Variants in ZNF292 observed in about 807,000 individuals in gnomAD.
ZNF292 encodes the protein 16 zinc-finger domain protein.
A neutral mutation model predicts 217.9 loss-of-function variants in ZNF292; 26 were observed. The observed-to-expected ratio is 0.12, with a 90% CI of 0.09 to 0.17. The LOEUF (loss-of-function observed/expected upper bound fraction) is 0.17, where lower values mean the gene tolerates loss of function less well. ZNF292 is among the 10% of genes least tolerant of loss of function. The pLI, the probability that ZNF292 is intolerant of heterozygous loss-of-function variation, is 1.00. For synonymous variants in ZNF292, 1,257 were observed against 1,124.1 expected (o/e 1.12, Z -2.37); for missense variants, 2,904 against 3,175.2 (o/e 0.91, Z 2.05).
intron 5 of ZNF292, chr6:87,233,789 T>A: frequency 2.4e-6 from 1 of 411,312 alleles, no homozygotes; most frequent in Non-Finnish European, 3.3e-6. Flanking sequence ...AGTGGTGGCT[T>A]AACAGTTTAG....
rs1188439668 is a variant in ZNF292 at position 87,212,952 on chromosome 6, G to A, written c.169-2951G>A. Among the ~76,000 whole-genome samples, 10 of 152,166 alleles carry A rather than the reference G, an allele frequency of 6.6e-5. 1 individual carries two copies. Among genetic ancestry groups the A allele is most frequent in the Admixed American group, 6.5e-4 (10 of 15,276 alleles). ...AGAAAGTTAAGAATTCTTCTGTGTA[G>A]GGGTCAAAAGAAAACTTCCCTTCAT... On this transcript the variant is annotated intron_variant, in intron 1 of 7. Coordinates refer to ENST00000369577, the MANE Select transcript of ZNF292 (RefSeq NM_015021.3).
At chr6:87,246,457 C>G (rs959903575) in intron 7 of ZNF292, among the ~76,000 whole-genome samples, 1 of 152,248 alleles carries the variant, frequency 6.6e-6, no homozygotes, top group South Asian at 2.1e-4. Flanking sequence ...GAACAGAAAG[C>G]TTGAACTGAT....
intron 1 of ZNF292, among the ~76,000 whole-genome samples, chr6:87,201,233 CTTTTA>C (rs1582411946): frequency 6.6e-6 from 1 of 152,162 alleles, no homozygotes; most frequent in East Asian, 1.9e-4. Flanking sequence ...AGTTTGTAGC[CTTTTA>C]TTTGATTTTC....
chr6:87,240,443 A>G (rs534254386), intron 5 of ZNF292, among the ~76,000 whole-genome samples: 47 of 152,180 alleles, frequency 3.1e-4, no homozygotes, highest in Admixed American at 1.8e-3. Flanking sequence ...TTTTCTTCAG[A>G]CAGAGTTTTG....
At chr6:87,166,538 A>G (rs1028306297) in intron 1 of ZNF292, among the ~76,000 whole-genome samples, 14 of 152,208 alleles carry the variant, frequency 9.2e-5, no homozygotes, top group Non-Finnish European at 1.6e-4. Flanking sequence ...TTTTTGAATC[A>G]TTCTCAACTC....
intron 5 of ZNF292, among the ~76,000 whole-genome samples, chr6:87,236,408 A>T (rs1224030666): frequency 4.2e-4 from 61 of 145,532 alleles, no homozygotes; most frequent in Middle Eastern, 7.0e-3. Flanking sequence ...TTTTTTTTAA[A>T]AAAGAAAAGA....
chr6:87,251,093 AAC>A (rs1244297090), intron 7 of ZNF292, among the ~76,000 whole-genome samples: 1 of 152,212 alleles, frequency 6.6e-6, no homozygotes, highest in African/African-American at 2.4e-5. Flanking sequence ...CACAGAAAAA[AAC>A]ACATAAAGTA....
intron 1 of ZNF292, among the ~76,000 whole-genome samples, chr6:87,162,936 C>T (rs1167372838): frequency 6.6e-6 from 1 of 152,110 alleles, no homozygotes; most frequent in Non-Finnish European, 1.5e-5. Context: ...GGAAAGTTTG[C>T]TTTCATTAAT....
chr6:87,174,005 T>A (rs1771197380), intron 1 of ZNF292: 1 of 267,922 alleles, frequency 3.7e-6, no homozygotes, highest in Middle Eastern at 8.5e-4. Context: ...ATGTTAAGAT[T>A]AATGTGTCCT....
At chr6:87,159,275 A>G (rs1229545064) in intron 1 of ZNF292, among the ~76,000 whole-genome samples, 1 of 152,066 alleles carries the variant, frequency 6.6e-6, no homozygotes, top group African/African-American at 2.4e-5. Flanking sequence ...CCCTTTGCTT[A>G]TTTAAATGAG....
Position 87,257,602 on chromosome 6 carries a change from A to G in ZNF292, c.3973A>G (p.Asn1325Asp). The G allele has an allele frequency of 6.2e-7, 1 of 1,607,210 alleles. No homozygotes were observed. Among genetic ancestry groups the G allele is most frequent in the Admixed American group, 1.7e-5 (1 of 58,674 alleles). ...GENAVFPSQV[N>D]VANNFSSTNA... ...AAATGCAGTTTTTCCTTCACAAGTGAATGTTGCAAATAACTTCAGTAGCAC... is the reference window on the plus strand; with the variant it reads ...AAATGCAGTTTTTCCTTCACAAGTGGATGTTGCAAATAACTTCAGTAGCAC... The change falls in exon 8 of 8, where the codon AAT (asparagine) becomes GAT (aspartate). Residue 1325 changes from asparagine (N) to aspartate (D), a missense_variant. Transcript: ENST00000369577.
At chr6:87,251,744 A>T (rs1458627568) in intron 7 of ZNF292, among the ~76,000 whole-genome samples, 1 of 152,222 alleles carries the variant, frequency 6.6e-6, no homozygotes, top group East Asian at 1.9e-4. Context: ...TTGCCTGTTC[A>T]CTTATTTTCA....
At chr6:87,209,266 T>C (rs570677130) in intron 1 of ZNF292, among the ~76,000 whole-genome samples, 1 of 152,336 alleles carries the variant, frequency 6.6e-6, no homozygotes, top group Non-Finnish European at 1.5e-5. Context: ...GTCTTACATA[T>C]GCTTTCCAGC....
intron 1 of ZNF292, among the ~76,000 whole-genome samples, chr6:87,167,650 A>G (rs1770959861): frequency 6.6e-6 from 1 of 152,222 alleles, no homozygotes; most frequent in East Asian, 1.9e-4. Flanking sequence ...CTGTCTTAAA[A>G]ACAAAAAACA....
chr6:87,180,440 C>T (rs1314861180), intron 1 of ZNF292, among the ~76,000 whole-genome samples: 2 of 24,224 alleles, frequency 8.3e-5, no homozygotes, highest in African/African-American at 1.6e-3. Flanking sequence ...GCAGACAGAC[C>T]CTTGTCTAGC....
At chr6:87,212,498 A>G (rs1261139765) in intron 1 of ZNF292, among the ~76,000 whole-genome samples, 1 of 152,186 alleles carries the variant, frequency 6.6e-6, no homozygotes, top group Non-Finnish European at 1.5e-5. Context: ...CCTCAGCCTA[A>G]TGTTATCTCA....
At chr6:87,190,981 T>C (rs532880918) in intron 1 of ZNF292, among the ~76,000 whole-genome samples, 7 of 152,198 alleles carry the variant, frequency 4.6e-5, no homozygotes, top group Non-Finnish European at 7.4e-5. Context: ...TATTAGACAT[T>C]TTCCTATGCA....
chr6:87,193,963 A>G (rs1288289773), intron 1 of ZNF292, among the ~76,000 whole-genome samples: 2 of 152,232 alleles, frequency 1.3e-5, no homozygotes, highest in Non-Finnish European at 2.9e-5. Context: ...GAGGAGAGAT[A>G]GAAGAGGGAG....
chr6:87,196,910 A>G (rs1022813051), intron 1 of ZNF292, among the ~76,000 whole-genome samples: 2 of 152,258 alleles, frequency 1.3e-5, no homozygotes, highest in Non-Finnish European at 2.9e-5. Context: ...CAAAGCCAAC[A>G]GGGAAAACAA....
Sources: gnomAD v4.1 joint callset for allele counts (sites outside exome capture counted in the v4.1 genomes callset) on GRCh38, gnomAD v4.1.1 for gene constraint, MANE v1.5 for transcripts, NCBI Gene and HGNC (gene_info 2026-07-23, HGNC 2026-07-21) for gene names.